CNGB3: variants seen among roughly 807,000 people sequenced by gnomAD.
CNGB3 encodes cyclic nucleotide-gated channel beta-3.
A neutral mutation model predicts 92.8 loss-of-function variants in CNGB3; 86 were observed. The observed-to-expected ratio is 0.93, with a 90% CI of 0.78 to 1.11. CNGB3 has a LOEUF of 1.11. Among genes scored for constraint, CNGB3 ranks in the 50% least tolerant of loss-of-function variants. The pLI is 0.00. For synonymous variants in CNGB3, 333 were observed against 332.7 expected, an observed-to-expected ratio of 1.00 and a Z score of -0.01; for missense variants, 1,026 against 956.8, an observed-to-expected ratio of 1.07 and a Z score of -0.95.
intron 15 of CNGB3, among the ~76,000 whole-genome samples, chr8:86,584,131 A>G (rs1177115080): frequency 6.6e-6 from 1 of 152,156 alleles, no homozygotes; most frequent in Non-Finnish European, 1.5e-5. Flanking sequence ...CCATCTATCT[A>G]TGTATCTACG....
intron 14 of CNGB3, among the ~76,000 whole-genome samples, 174 bp from the exon 15 acceptor site, chr8:86,604,385 T>C (rs1822374360): frequency 6.6e-6 from 1 of 152,188 alleles, no homozygotes; most frequent in Non-Finnish European, 1.5e-5. Flanking sequence ...GGGTTGAACA[T>C]ATCATGTGAA....
At chr8:86,666,040 C>T (rs1433245881) in intron 6 of CNGB3, among the ~76,000 whole-genome samples, 5 of 152,240 alleles carry the variant, frequency 3.3e-5, no homozygotes, top group African/African-American at 9.6e-5. Context: ...AAACAAGGCA[C>T]AGTCCGTGTC....
At chr8:86,636,239 A>G (rs1187062805) in intron 10 of CNGB3, among the ~76,000 whole-genome samples, 1 of 151,944 alleles carries the variant, frequency 6.6e-6, no homozygotes, top group East Asian at 1.9e-4. Context: ...GGAGTTCAGT[A>G]TTTGTTTAGA....
At chr8:86,596,912 A>C in intron 15 of CNGB3, among the ~76,000 whole-genome samples, 1 of 152,190 alleles carries the variant, frequency 6.6e-6, no homozygotes, top group Non-Finnish European at 1.5e-5. Context: ...CATTCTCAGC[A>C]AACTATCACA....
At chr8:86,599,640 G>A (rs978438365) in intron 15 of CNGB3, among the ~76,000 whole-genome samples, 1 of 152,130 alleles carries the variant, frequency 6.6e-6, no homozygotes, top group Non-Finnish European at 1.5e-5. Context: ...TGTCTTTTAC[G>A]GTCGCAGCTG....
At chr8:86,670,439 C>T (rs1424904864) in intron 4 of CNGB3, among the ~76,000 whole-genome samples, 1 of 152,178 alleles carries the variant, frequency 6.6e-6, no homozygotes, top group African/African-American at 2.4e-5. Context: ...ACTGAAAGTG[C>T]TGGGGAGGTA....
At chr8:86,605,123 A>C (rs1196922457) in intron 14 of CNGB3, among the ~76,000 whole-genome samples, 3 of 152,018 alleles carry the variant, frequency 2.0e-5, no homozygotes, top group Admixed American at 6.6e-5. Context: ...CCTGTGTCTG[A>C]TTTCTCTCGT....
At chr8:86,609,416 G>A (rs1441768765) in intron 14 of CNGB3, among the ~76,000 whole-genome samples, 1 of 152,080 alleles carries the variant, frequency 6.6e-6, no homozygotes, top group African/African-American at 2.4e-5. Flanking sequence ...TAATTTGTGT[G>A]GGATTGTATA....
At chr8:86,644,010 T>G (rs1174679384) in intron 9 of CNGB3, 137 bp from the exon 10 acceptor site, 1 of 792,106 alleles carries the variant, frequency 1.3e-6, no homozygotes, top group African/African-American at 1.7e-5. Context: ...ATTAGTACAG[T>G]ACAAAGTGAT....
At position 86,695,317 on chromosome 8, in the gene CNGB3, GGGGAGA is replaced by G. The variant is rs1333947613; in HGVS notation, c.339-24225_339-24220del. On this transcript the variant is annotated intron_variant, in intron 3 of 17. Transcript: ENST00000320005. ...AGAGGGAGAGGGAGACCATGGGGAGGGGGAGAGGGAGAGGGAGAGGGAGAGCCTTTG... is the reference window on the plus strand; with the variant it reads ...AGAGGGAGAGGGAGACCATGGGGAGGGGGAGAGGGAGAGGGAGAGCCTTTG... 5.0e-3 allele frequency among the ~76,000 whole-genome samples: 767 copies of G among 151,936 alleles called. 11 individuals carry two copies. Among genetic ancestry groups the G allele is most frequent in the African/African-American group, 0.017 (714 of 41,418 alleles).
chr8:86,582,239 T>A (rs1344238104), intron 15 of CNGB3, among the ~76,000 whole-genome samples: 2 of 151,410 alleles, frequency 1.3e-5, no homozygotes, highest in Admixed American at 1.3e-4. Context: ...ACTAAAAATA[T>A]AAAAATTTAG....
At position 86,671,040 on chromosome 8, in the gene CNGB3, G is replaced by A. The variant is rs760503824; in HGVS notation, c.397C>T (p.His133Tyr). ...TGACGCATTCTTTTCACCAGGTTGT[G>A]TAGCTGGGCATCGGCATACTCATTT... is the stretch of plus-strand genomic sequence containing the variant. ...VINEYADAQLHNLVKRMRQRT... is the reference protein window; with the variant it reads ...VINEYADAQLYNLVKRMRQRT... The change falls in exon 4 of 18, where the codon CAC (histidine) becomes TAC (tyrosine). Residue 133 changes from histidine (H) to tyrosine (Y), a missense_variant. Coordinates refer to ENST00000320005, the MANE Select transcript of CNGB3 (RefSeq NM_019098.5). 1 of 1,613,918 alleles carries A rather than the reference G, an allele frequency of 6.2e-7. No individual in the cohort carries two copies. The highest frequency in any genetic ancestry group is 1.1e-5 in the South Asian group (1 of 91,078).
At chr8:86,618,531 G>A (rs1822661625) in intron 13 of CNGB3, among the ~76,000 whole-genome samples, 1 of 152,118 alleles carries the variant, frequency 6.6e-6, no homozygotes. Context: ...CCTATCGGAG[G>A]GCTCCAGAGG....
At chr8:86,659,273 C>T in intron 6 of CNGB3, 1 of 825,232 alleles carries the variant, frequency 1.2e-6, no homozygotes, top group East Asian at 2.4e-5. Flanking sequence ...GTAGCTGTTT[C>T]AGCAACTCCA....
chr8:86,715,617 C>A (rs1824837634), intron 3 of CNGB3, among the ~76,000 whole-genome samples: 1 of 151,860 alleles, frequency 6.6e-6, no homozygotes, highest in African/African-American at 2.4e-5. Flanking sequence ...AAGATCTCAC[C>A]AGCTCACCAG....
intron 12 of CNGB3, among the ~76,000 whole-genome samples, chr8:86,628,192 A>T (rs1822886086): frequency 6.6e-6 from 1 of 152,156 alleles, no homozygotes. Flanking sequence ...TTTGAGACAG[A>T]ATCTGGCTCT....
intron 14 of CNGB3, among the ~76,000 whole-genome samples, chr8:86,608,801 C>T (rs1044426418): frequency 1.3e-5 from 2 of 152,180 alleles, no homozygotes; most frequent in East Asian, 3.9e-4. Flanking sequence ...CCCACGTGAC[C>T]TTACCTATCA....
chr8:86,726,718 T>A, intron 2 of CNGB3, 61 bp from the exon 3 acceptor site: 1 of 1,589,014 alleles, frequency 6.3e-7, no homozygotes, highest in Non-Finnish European at 8.6e-7. Context: ...CAGCTATATT[T>A]GGCAACATGA....
chr8:86,580,851 T>C (rs62512471), intron 15 of CNGB3, among the ~76,000 whole-genome samples: 43,882 of 152,086 alleles, frequency 0.29, 8,001 homozygotes, highest in Non-Finnish European at 0.41. Flanking sequence ...GTTAATCTGT[T>C]AGAAACTGAG....
Sources: allele counts gnomAD v4.1 joint callset (sites outside exome capture counted in the v4.1 genomes callset), GRCh38; gene constraint gnomAD v4.1.1; transcripts MANE v1.5; gene names NCBI Gene and HGNC (gene_info 2026-07-23, HGNC 2026-07-21).